CSPG4: variants seen among roughly 807,000 people sequenced by gnomAD.
The protein encoded by CSPG4 is chondroitin sulfate proteoglycan 4, also known as chondroitin sulfate proteoglycan 4 (melanoma-associated).
In CSPG4, 74 loss-of-function variants were observed where a neutral mutation model predicts 139.3. The ratio of observed to expected loss-of-function variants is 0.53; its 90% CI spans 0.44 to 0.64. The LOEUF is 0.64. Among genes scored for constraint, CSPG4 ranks in the 30% least tolerant of loss-of-function variants. The pLI, the probability that CSPG4 is intolerant of heterozygous loss-of-function variation, is 0.00. For missense variants in CSPG4, 2,565 were observed against 3,148.3 expected (o/e 0.81, Z 4.43); for synonymous variants, 1,234 against 1,394.2 (o/e 0.89, Z 2.56).
chr15:75,685,842 A>G lies in CSPG4; in HGVS notation c.3790-141T>C, dbSNP rs540053523. On this transcript the variant is annotated intron_variant, in intron 3 of 9. Coordinates refer to ENST00000308508, the MANE Select transcript of CSPG4 (RefSeq NM_001897.5). Reference sequence around the variant, plus strand: ...ATACCACTGCTCATTTAGACACACAAACACACACGTGGGTTCACACACACA... The same window carrying G: ...ATACCACTGCTCATTTAGACACACAGACACACACGTGGGTTCACACACACA... 1,927 of 928,918 alleles carry G rather than the reference A, an allele frequency of 2.1e-3. 10 individuals carry two copies. The highest frequency in any genetic ancestry group is 3.5e-3 in the South Asian group (196 of 55,512). 57.5% of individuals were successfully genotyped at this position (928,918 alleles called of 1,614,324 possible). A position where few individuals can be genotyped will look rare whatever the true frequency, so the allele number is the denominator to read the frequency against.
chr15:75,686,330 T>A (rs536503639), intron 3 of CSPG4, among the ~76,000 whole-genome samples: 3 of 152,312 alleles, frequency 2.0e-5, no homozygotes, highest in African/African-American at 7.2e-5. Context: ...GTGGCTGGTT[T>A]GCAGGCAGCA....
intron 4 of CSPG4, 113 bp from the exon 5 acceptor site, chr15:75,685,025 A>G (rs1894034172): frequency 3.9e-6 from 5 of 1,294,820 alleles, no homozygotes; most frequent in Non-Finnish European, 5.4e-6. Flanking sequence ...TTGGTAGAAA[A>G]TGGGGACCAT....
chr15:75,690,089 C>G lies in CSPG4; in HGVS notation c.976G>C (p.Gly326Arg). 6.2e-7 allele frequency: 1 copy of G among 1,612,252 alleles called. No homozygotes were observed. The highest frequency in any genetic ancestry group is 1.1e-5 in the South Asian group (1 of 90,906). Residue 326 changes from glycine to arginine, a missense_variant, in exon 3 of 10, where the codon GGG becomes CGG. Coordinates refer to ENST00000308508, the MANE Select transcript of CSPG4 (RefSeq NM_001897.5). ...LEPRGSLLLG[G>R]LDAEASRHLQ... is the part of the protein sequence containing the mutation. ...TGACGAGAGGCCTCTGCATCCAGCC[C>G]CCCGAGAAGGAGACTGCCCCGTGGC... is the stretch of plus-strand genomic sequence containing the variant.
At chr15:75,701,645 C>T (rs1464123633) in intron 1 of CSPG4, among the ~76,000 whole-genome samples, 4 of 152,178 alleles carry the variant, frequency 2.6e-5, no homozygotes, top group Admixed American at 6.5e-5. Context: ...TTTTCTCTCC[C>T]GGCCTCAGGC....
chr15:75,688,746 C>T lies in CSPG4; in HGVS notation c.2319G>A (p.Leu773=), dbSNP rs1359881934. The change falls in exon 3 of 10, where the codon CTG becomes CTA. Residue 773 remains leucine (L), a synonymous_variant. Transcript: ENST00000308508. ...CTCTCTGGATGGTCACTGGGAAGGA[C>T]AGATTGCTCAGGATCTCCTGGCCCA... ...VQVGQEILSN[L]SFPVTIQRAT... is the part of the protein sequence containing the mutation. 3.7e-6 allele frequency: 6 copies of T among 1,612,210 alleles called. No individual in the cohort carries two copies. The highest frequency in any genetic ancestry group is 2.5e-6 in the Non-Finnish European group (3 of 1,179,598).
chr15:75,679,400 T>C (rs1893940987), intron 8 of CSPG4: 1 of 152,402 alleles, frequency 6.6e-6, no homozygotes, highest in Non-Finnish European at 1.5e-5. Flanking sequence ...GCCCATTACA[T>C]TTTGTTCCTA....
intron 2 of CSPG4, 113 bp downstream of exon 2, chr15:75,692,957 C>A (rs1276870842): frequency 1.6e-6 from 1 of 608,476 alleles, no homozygotes; most frequent in Non-Finnish European, 2.9e-6. Flanking sequence ...GAACTTAAGA[C>A]CCCAAGATAA....
intron 1 of CSPG4, among the ~76,000 whole-genome samples, chr15:75,709,255 T>C (rs1276551554): frequency 6.6e-6 from 1 of 152,160 alleles, no homozygotes; most frequent in East Asian, 1.9e-4. Flanking sequence ...AGCCTGCAGC[T>C]GGAGGAAGAG....
chr15:75,689,640 C>T lies in CSPG4; in HGVS notation c.1425G>A (p.Gly475=), dbSNP rs1262842466. The part of the protein sequence containing the change: ...KSQVLFSVTR[G]ARHGELELDI... ...CCAGCTCGAGCTCGCCATGGCGTGC[C>T]CCTCGGGTCACGCTGAACAGCACCT... is the stretch of plus-strand genomic sequence containing the variant. The change falls in exon 3 of 10, where the codon GGG becomes GGA. Residue 475 remains glycine (G), a synonymous_variant. Coordinates refer to ENST00000308508, the MANE Select transcript of CSPG4 (RefSeq NM_001897.5). The T allele has an allele frequency of 1.9e-6, 3 of 1,612,892 alleles. No homozygotes were observed. The highest frequency in any genetic ancestry group is 8.5e-7 in the Non-Finnish European group (1 of 1,179,856).
chr15:75,706,452 T>C (rs563811250), intron 1 of CSPG4, among the ~76,000 whole-genome samples: 2 of 152,142 alleles, frequency 1.3e-5, no homozygotes, highest in East Asian at 1.9e-4. Flanking sequence ...AGTGTGTGTG[T>C]GCACACACAC....
chr15:75,690,131 C>T lies in CSPG4; in HGVS notation c.934G>A (p.Val312Ile), dbSNP rs1357254782. The change falls in exon 3 of 10, where the codon GTC (valine) becomes ATC (isoleucine). Residue 312 changes from valine to isoleucine, a missense_variant. This residue lies in a region of CSPG4 where 2,316 missense variants were observed against 2,818.2 expected (regional missense o/e 0.82). Transcript: ENST00000308508. ...CCCCGTGGCTCCAGGTAGCTGAGGACTCCTCGGTTCGAAGTATGCGTAGGG... is the reference window on the plus strand; with the variant it reads ...CCCCGTGGCTCCAGGTAGCTGAGGATTCCTCGGTTCGAAGTATGCGTAGGG... ...QYPTHTSNRG[V>I]LSYLEPRGSL... The T allele has an allele frequency of 1.9e-6, 3 of 1,612,910 alleles. No individual in the cohort carries two copies. The highest frequency in any genetic ancestry group is 2.2e-5 in the South Asian group (2 of 91,060).
chr15:75,679,762 C>G (rs886325187), intron 8 of CSPG4: 2 of 152,210 alleles, frequency 1.3e-5, no homozygotes, highest in Non-Finnish European at 1.5e-5. Flanking sequence ...TCACTGCAAC[C>G]TCCACCTCCA....
Position 75,690,006 on chromosome 15 carries a change from G to A in CSPG4, c.1059C>T (p.Gly353=). The change falls in exon 3 of 10, where the codon GGC becomes GGT. Residue 353 remains glycine, a synonymous_variant. Transcript: ENST00000308508. ...CATTGACACTGAGGTCTTCCATGCA[G>A]CCCAGCAGGGAGGCATTGGTGGCCT... The part of the protein sequence containing the change: ...TPEATNASLL[G]CMEDLSVNGQ... 1.2e-6 allele frequency: 2 copies of A among 1,611,822 alleles called. No individual in the cohort carries two copies. The highest frequency in any genetic ancestry group is 4.5e-5 in the East Asian group (2 of 44,840).
At position 75,682,543 on chromosome 15, in the gene CSPG4, C is replaced by T. The variant is rs552860515; in HGVS notation, c.4783+64G>A. The T allele has an allele frequency of 3.3e-5, 52 of 1,597,016 alleles. No individual in the cohort carries two copies. In the Admixed American group the frequency reaches 8.4e-4, roughly 26 times the overall value. ...TTGCAAAGAGGCAGCGTGACCCTGG[C>T]ATGCCACCCTCAGCTCCGCCCCAGC... On this transcript the variant is annotated intron_variant, in intron 7 of 9. Coordinates refer to ENST00000308508, the MANE Select transcript of CSPG4 (RefSeq NM_001897.5).
chr15:75,675,844 G>A lies in CSPG4; in HGVS notation c.6675C>T (p.Val2225=). 4 of 1,611,562 alleles carry A rather than the reference G, an allele frequency of 2.5e-6. No individual in the cohort carries two copies. The highest frequency in any genetic ancestry group is 3.4e-6 in the Non-Finnish European group (4 of 1,180,010). The change falls in exon 10 of 10, where the codon GTC becomes GTT. Residue 2225 remains valine, a synonymous_variant. Coordinates refer to ENST00000308508, the MANE Select transcript of CSPG4 (RefSeq NM_001897.5). ...GAAGTACCAGGCACATGGGGATGAT[G>A]ACGCTGAACATGTTGGCCTCAAGGA... ...LSFLEANMFS[V]IIPMCLVLLL...
At chr15:75,705,404 C>T (rs915089165) in intron 1 of CSPG4, among the ~76,000 whole-genome samples, 6 of 152,190 alleles carry the variant, frequency 3.9e-5, no homozygotes, top group Admixed American at 3.3e-4. Flanking sequence ...CCCATGTTGC[C>T]GGGCCACTCC....
Position 75,685,544 on chromosome 15 carries a change from C to A in CSPG4, c.3947G>T (p.Gly1316Val). 1 of 1,606,910 alleles carries A rather than the reference C, an allele frequency of 6.2e-7. No homozygotes were observed. Among genetic ancestry groups the A allele is most frequent in the Non-Finnish European group, 8.5e-7 (1 of 1,177,828 alleles). Residue 1316 changes from glycine (G) to valine (V), a missense_variant, in exon 4 of 10, where the codon GGC becomes GTC. By Grantham distance (109) the Gly-to-Val change is moderately radical. This residue lies in a region of CSPG4 where 2,316 missense variants were observed against 2,818.2 expected (regional missense o/e 0.82). Coordinates refer to ENST00000308508, the MANE Select transcript of CSPG4 (RefSeq NM_001897.5). ...GCGGGAGTGCAGGTACAGGACCCTG[C>A]CTGTGTCCACTGCCTCCTGGGAGAA... is the stretch of plus-strand genomic sequence containing the variant. ...QSFSQEAVDTGRVLYLHSRPE... is the reference protein window; with the variant it reads ...QSFSQEAVDTVRVLYLHSRPE...
rs1893999278 is a variant in CSPG4, at chr15:75,682,980, G to C, written c.4511C>G (p.Ser1504Cys). Residue 1504 changes from serine to cysteine, a missense_variant, in exon 6 of 10, where the codon TCT becomes TGT. Around this residue, in one of 5 missense-constraint regions of CSPG4, gnomAD observed 2,316 missense variants for 2,818.2 expected, o/e 0.82. Coordinates refer to ENST00000308508, the MANE Select transcript of CSPG4 (RefSeq NM_001897.5). ...AEALRSTDGD[S>C]GSEDLVYTIE... ...GGTGTAGACCAGATCCTCAGACCCA[G>C]AGTCGCCGTCCGTGCTCCTCAGAGC... The C allele has an allele frequency of 3.1e-6, 5 of 1,611,336 alleles. No homozygotes were observed. Among genetic ancestry groups the C allele is most frequent in the Admixed American group, 3.3e-5 (2 of 59,984 alleles).
At position 75,687,438 on chromosome 15, in the gene CSPG4, G is replaced by A. The variant is rs1281420543; in HGVS notation, c.3627C>T (p.Asp1209=). ...YSHNGSLSPR[D]TMAFSVEAGP... The stretch of plus-strand genomic sequence containing the variant: ...CTGCTTCCACGGAGAAGGCCATGGT[G>A]TCGCGGGGGCTGAGGCTGCCATTGT... Residue 1209 remains aspartate, a synonymous_variant, in exon 3 of 10, where the codon GAC becomes GAT. Transcript: ENST00000308508. This position sits in a 1 kb window ranked among gnomAD's most constrained non-coding sequence, Gnocchi z 5.4. The A allele has an allele frequency of 1.2e-6, 2 of 1,612,784 alleles. No homozygotes were observed. Among genetic ancestry groups the A allele is most frequent in the Non-Finnish European group, 1.7e-6 (2 of 1,179,786 alleles).
Sources: gnomAD v4.1 joint callset for allele counts (sites outside exome capture counted in the v4.1 genomes callset) on GRCh38, gnomAD v4.1.1 for gene constraint, gnomAD v4.1.1 regional missense constraint, Gnocchi (gnomAD v3.1) non-coding constraint, MANE v1.5 for transcripts, NCBI Gene and HGNC (gene_info 2026-07-23, HGNC 2026-07-21) for gene names.